ARMC3: variants seen among roughly 807,000 people sequenced by gnomAD.
The protein encoded by ARMC3 is armadillo repeat containing 3, also known as armadillo repeat-containing protein 3.
Under a neutral mutation model 90.3 loss-of-function variants are expected in ARMC3, and 74 were observed. That is an observed-to-expected ratio of 0.82 (90% CI 0.68 to 0.99). The LOEUF (loss-of-function observed/expected upper bound fraction) is 0.99. Among genes scored for constraint, ARMC3 ranks in the 50% least tolerant of loss-of-function variants. The pLI is 0.00. For missense variants in ARMC3, 958 were observed against 1,042.8 expected, an observed-to-expected ratio of 0.92 and a Z score of 1.12; for synonymous variants, 334 against 361.8, an observed-to-expected ratio of 0.92 and a Z score of 0.87.
chr10:22,948,426 G>A (rs749241736), intron 3 of ARMC3, among the ~76,000 whole-genome samples: 1 of 151,790 alleles, frequency 6.6e-6, no homozygotes, highest in Non-Finnish European at 1.5e-5. Flanking sequence ...TAAGTCTGAT[G>A]TTTTATACTA....
At chr10:22,995,461 G>A (rs566916591) in intron 10 of ARMC3, among the ~76,000 whole-genome samples, 1 of 152,268 alleles carries the variant, frequency 6.6e-6, no homozygotes, top group African/African-American at 2.4e-5. Context: ...AGCTGTGCCT[G>A]CACGACTCAT....
At chr10:22,973,751 TTC>T (rs1460206981) in intron 8 of ARMC3, among the ~76,000 whole-genome samples, 18 of 138,082 alleles carry the variant, frequency 1.3e-4, no homozygotes, top group Admixed American at 2.1e-4. Context: ...TTCTTTGTCT[TTC>T]TTTTTTTTTT....
chr10:22,974,636 T>TTG (rs1554778078), intron 8 of ARMC3, among the ~76,000 whole-genome samples: 6 of 151,982 alleles, frequency 3.9e-5, no homozygotes, highest in South Asian at 2.1e-4. Flanking sequence ...ATCTGTTTTT[T>TTG]TTTGTTTGTT....
In ARMC3 at chr10:22,945,141, A is replaced by G. The variant is rs369694133; in HGVS notation, c.49-1003A>G. On this transcript the variant is annotated intron_variant, in intron 2 of 18. Coordinates refer to ENST00000298032, the MANE Select transcript of ARMC3 (RefSeq NM_173081.5). ...TTTCTTGCTATCTTCTTTCTTCTTT[A>G]CTCTTCCAAACTCACACAATCATGT... Among the ~76,000 whole-genome samples, 16 of 152,032 alleles carry G rather than the reference A, an allele frequency of 1.1e-4. No homozygotes were observed. The East Asian group carries it at 1.7e-3, about 17-fold the overall frequency.
Position 22,944,664 on chromosome 10 carries a change from G to A in ARMC3, c.49-1480G>A, listed in dbSNP as rs1834455561. 3.3e-5 allele frequency among the ~76,000 whole-genome samples: 5 copies of A among 152,298 alleles called. No individual in the cohort carries two copies. The South Asian group carries it at 1.0e-3, about 32-fold the overall frequency. On this transcript the variant is annotated intron_variant, in intron 2 of 18. Coordinates refer to ENST00000298032, the MANE Select transcript of ARMC3 (RefSeq NM_173081.5). ...CACATGTGTCACTTGGGTGATGTGA[G>A]GTCCTCGGGCATTCTGGGGCTACCC... is the stretch of plus-strand genomic sequence containing the variant.
chr10:22,963,475 A>T (rs184497072), intron 7 of ARMC3, among the ~76,000 whole-genome samples: 4 of 152,314 alleles, frequency 2.6e-5, no homozygotes, highest in Admixed American at 6.5e-5. Context: ...ATTCTTCTCC[A>T]CATCCTCACC....
chr10:23,021,252 G>A (rs934877030), intron 16 of ARMC3, among the ~76,000 whole-genome samples: 10 of 152,270 alleles, frequency 6.6e-5, no homozygotes, highest in Non-Finnish European at 1.0e-4. Context: ...ATTTGCTATC[G>A]TGAATAGTGC....
chr10:22,952,297 T>C (rs907615143), intron 3 of ARMC3, among the ~76,000 whole-genome samples: 1 of 152,068 alleles, frequency 6.6e-6, no homozygotes. Context: ...TCGAGATGGA[T>C]TGATAGACAA....
At chr10:22,942,071 T>G (rs10764367) in intron 2 of ARMC3, among the ~76,000 whole-genome samples, 1 of 152,070 alleles carries the variant, frequency 6.6e-6, no homozygotes. Context: ...AGGAGGTTTA[T>G]GCTTTAGCAG....
intron 16 of ARMC3, among the ~76,000 whole-genome samples, chr10:23,009,733 G>A (rs556401322): frequency 2.3e-4 from 35 of 152,248 alleles, no homozygotes; most frequent in African/African-American, 3.9e-4. Flanking sequence ...TCCTGACCTC[G>A]TGATCTGCCT....
chr10:22,933,651 T>C (rs532781911), intron 2 of ARMC3, among the ~76,000 whole-genome samples: 2 of 152,230 alleles, frequency 1.3e-5, no homozygotes, highest in East Asian at 3.9e-4. Context: ...GTTGGGAGGC[T>C]GAGGCGGGCG....
At chr10:23,034,628 C>T (rs767866235) in intron 18 of ARMC3, among the ~76,000 whole-genome samples, 9 of 152,156 alleles carry the variant, frequency 5.9e-5, no homozygotes, top group Non-Finnish European at 1.2e-4. Flanking sequence ...TTCTTTGGCA[C>T]ACCTCTCATT....
intron 6 of ARMC3, 197 bp from the exon 7 acceptor site, chr10:22,961,687 C>A: frequency 1.9e-6 from 1 of 531,208 alleles, no homozygotes; most frequent in East Asian, 3.2e-5. Flanking sequence ...TAGACAATGT[C>A]TACATATTAC....
chr10:22,946,962 C>A (rs1198152126), intron 3 of ARMC3, among the ~76,000 whole-genome samples: 1 of 152,106 alleles, frequency 6.6e-6, no homozygotes, highest in African/African-American at 2.4e-5. Flanking sequence ...GAGTTTGAGA[C>A]CAGCCTTGGC....
chr10:23,007,093 T>A, intron 14 of ARMC3, 112 bp downstream of exon 14: 2 of 823,822 alleles, frequency 2.4e-6, no homozygotes, highest in South Asian at 3.5e-5. Flanking sequence ...CTCCTGTATC[T>A]AGCACCTCCA....
At chr10:23,000,743 C>A (rs1837242943) in intron 11 of ARMC3, among the ~76,000 whole-genome samples, 1 of 152,178 alleles carries the variant, frequency 6.6e-6, no homozygotes, top group Non-Finnish European at 1.5e-5. Context: ...AGGTAAGCCC[C>A]ACCAGGGCCC....
intron 8 of ARMC3, among the ~76,000 whole-genome samples, chr10:22,979,760 T>C (rs1416474261): frequency 4.6e-5 from 7 of 152,192 alleles, no homozygotes. Flanking sequence ...AGTTAAGTAT[T>C]AACTGAAGCT....
At chr10:23,025,984 A>C (rs999819218) in intron 16 of ARMC3, among the ~76,000 whole-genome samples, 1 of 152,168 alleles carries the variant, frequency 6.6e-6, no homozygotes, top group African/African-American at 2.4e-5. Context: ...ACTTAGATGC[A>C]ATGAATGGAC....
intron 1 of ARMC3, 54 bp from the exon 2 acceptor site, chr10:22,931,942 T>C: frequency 1.3e-6 from 2 of 1,484,438 alleles, no homozygotes; most frequent in Non-Finnish European, 1.9e-6. Context: ...GCACAGGTAA[T>C]TGAGAAATGT....
Sources: gnomAD v4.1 joint callset for allele counts (sites outside exome capture counted in the v4.1 genomes callset) on GRCh38, gnomAD v4.1.1 for gene constraint, MANE v1.5 for transcripts, NCBI Gene and HGNC (gene_info 2026-07-23, HGNC 2026-07-21) for gene names.